The following ZNF704 variants were observed in gnomAD, a reference collection of about 807,000 sequenced individuals.
The protein encoded by ZNF704 is zinc finger protein 704, also known as glucocorticoid induced gene 1.
A neutral mutation model predicts 44.7 loss-of-function variants in ZNF704; 10 were observed. The ratio of observed to expected loss-of-function variants is 0.22; its 90% CI spans 0.14 to 0.38. The LOEUF (loss-of-function observed/expected upper bound fraction) is 0.38, where lower values mean the gene tolerates loss of function less well. ZNF704 is among the 10% of genes least tolerant of loss of function. ZNF704 has a pLI of 1.00. For missense variants in ZNF704, 390 were observed against 545.5 expected, an observed-to-expected ratio of 0.71 and a Z score of 2.84; for synonymous variants, 211 against 207.6, an observed-to-expected ratio of 1.02 and a Z score of -0.14.
At chr8:80,687,523 A>G in intron 3 of ZNF704, 65 bp from the exon 4 acceptor site, 4 of 1,265,480 alleles carry the variant, frequency 3.2e-6, no homozygotes, top group Non-Finnish European at 4.3e-6. Context: ...TCAGTGGGGA[A>G]ATGGGAGCCT....
intron 7 of ZNF704, among the ~76,000 whole-genome samples, chr8:80,646,217 T>G (rs1211019120): frequency 6.6e-6 from 1 of 152,204 alleles, no homozygotes; most frequent in East Asian, 1.9e-4. Flanking sequence ...TGGTAGCTTA[T>G]GCCTGTAATC....
At chr8:80,814,855 G>C (rs1240635991) in intron 2 of ZNF704, among the ~76,000 whole-genome samples, 1 of 152,004 alleles carries the variant, frequency 6.6e-6, no homozygotes, top group Non-Finnish European at 1.5e-5. Flanking sequence ...TAGGCTTCTA[G>C]AGATTCAAAA....
chr8:80,786,962 C>T (rs1299809849), intron 2 of ZNF704, among the ~76,000 whole-genome samples: 1 of 152,050 alleles, frequency 6.6e-6, no homozygotes, highest in African/African-American at 2.4e-5. Flanking sequence ...TTAGTAAGTC[C>T]GTGTTAGTTG....
chr8:80,699,785 T>A (rs1192157249), intron 2 of ZNF704, among the ~76,000 whole-genome samples: 1 of 152,152 alleles, frequency 6.6e-6, no homozygotes, highest in East Asian at 1.9e-4. Flanking sequence ...TGTCCCTCTT[T>A]CTCCCGCTTT....
intron 7 of ZNF704, among the ~76,000 whole-genome samples, chr8:80,654,587 A>G (rs561107491): frequency 3.3e-5 from 5 of 152,390 alleles, no homozygotes; most frequent in African/African-American, 1.2e-4. Flanking sequence ...GACACATGAA[A>G]AAATGTTCAT....
Position 80,639,716 on chromosome 8 carries a change from A to G in ZNF704, c.*1650T>C, listed in dbSNP as rs1817714189. ...CCTCCTTATACTTTCTTTTGCTTGT[A>G]TATAAAAAGAATATCTGTCATTACT... On this transcript the variant is annotated 3_prime_UTR_variant, in exon 9 of 9. Transcript: ENST00000327835. 1.3e-5 allele frequency: 2 copies of G among 152,624 alleles called. No individual in the cohort carries two copies. Among genetic ancestry groups the G allele is most frequent in the Non-Finnish European group, 2.9e-5 (2 of 68,042 alleles). The allele number at this position is 152,624 out of a possible 1,614,324, so 9.5% of individuals were successfully genotyped here.
chr8:80,734,693 G>C (rs1585989533), intron 2 of ZNF704, among the ~76,000 whole-genome samples: 2 of 152,156 alleles, frequency 1.3e-5, no homozygotes, highest in East Asian at 3.8e-4. Context: ...ACCTTTATAA[G>C]TTTTAGCATG....
At chr8:80,641,569 G>GA (rs60295176) in intron 8 of ZNF704, 92 bp from the exon 9 acceptor site, 26,892 of 359,556 alleles carry the variant, frequency 0.075, 395 homozygotes, top group African/African-American at 0.14. Flanking sequence ...AGTGAGGGAG[G>GA]AAAAAAAAAA....
chr8:80,674,645 A>G (rs760615499), intron 4 of ZNF704, among the ~76,000 whole-genome samples: 4 of 152,162 alleles, frequency 2.6e-5, no homozygotes, highest in Non-Finnish European at 4.4e-5. Context: ...GCACCACGCC[A>G]TTCAAGAGGG....
chr8:80,743,191 C>CAAAAAAAAA (rs59886049), intron 2 of ZNF704, among the ~76,000 whole-genome samples: 5 of 35,820 alleles, frequency 1.4e-4, no homozygotes, highest in African/African-American at 5.1e-4. Flanking sequence ...CTTGCAACTG[C>CAAAAAAAAA]AAAAAAAAAA....
intron 2 of ZNF704, among the ~76,000 whole-genome samples, chr8:80,695,057 T>C (rs925546980): frequency 8.5e-5 from 13 of 152,198 alleles, no homozygotes; most frequent in African/African-American, 2.9e-4. Context: ...TATTCACAGT[T>C]TACAAGATCC....
At chr8:80,765,136 G>T (rs980425823) in intron 2 of ZNF704, among the ~76,000 whole-genome samples, 2 of 152,096 alleles carry the variant, frequency 1.3e-5, no homozygotes, top group African/African-American at 2.4e-5. Context: ...CTCAGGCCTT[G>T]GGGGGGCCAC....
At chr8:80,728,798 G>C (rs1344655285) in intron 2 of ZNF704, among the ~76,000 whole-genome samples, 1 of 152,076 alleles carries the variant, frequency 6.6e-6, no homozygotes, top group Non-Finnish European at 1.5e-5. Context: ...TGTAACGCTG[G>C]ACAAGTTATT....
Position 80,726,045 on chromosome 8 carries a change from G to A in ZNF704, c.222-32938C>T, listed in dbSNP as rs538489831. Among the ~76,000 whole-genome samples the A allele has an allele frequency of 2.2e-4, 34 of 152,024 alleles. No homozygotes were observed. In the South Asian group the frequency reaches 6.0e-3, roughly 27 times the overall value. ...AATTATGGTCTTGTTTATATACCGTGTTGATTTAAATAAGATTTTAAGTCG... is the reference window on the plus strand; with the variant it reads ...AATTATGGTCTTGTTTATATACCGTATTGATTTAAATAAGATTTTAAGTCG... On this transcript the variant is annotated intron_variant, in intron 2 of 8. Transcript: ENST00000327835.
intron 2 of ZNF704, among the ~76,000 whole-genome samples, chr8:80,799,222 T>C (rs1370834004): frequency 1.3e-5 from 2 of 152,216 alleles, no homozygotes; most frequent in Admixed American, 6.5e-5. Flanking sequence ...TATTTCAAAT[T>C]GTAGGATGCT....
chr8:80,771,320 T>C (rs1257542302), intron 2 of ZNF704, among the ~76,000 whole-genome samples: 2 of 152,174 alleles, frequency 1.3e-5, no homozygotes, highest in East Asian at 1.9e-4. Flanking sequence ...CTATGTTGAG[T>C]CTTGCAATCC....
chr8:80,851,061 T>C (rs899327772), intron 1 of ZNF704, among the ~76,000 whole-genome samples: 5 of 152,346 alleles, frequency 3.3e-5, no homozygotes, highest in Non-Finnish European at 7.3e-5. Context: ...CTAGGCTATA[T>C]GGTATAGCCC....
At chr8:80,853,468 T>C (rs181511102) in intron 1 of ZNF704, among the ~76,000 whole-genome samples, 48 of 152,228 alleles carry the variant, frequency 3.2e-4, no homozygotes, top group Non-Finnish European at 1.5e-5. Flanking sequence ...GTATTGCTTC[T>C]ATAATAAGAA....
chr8:80,733,571 T>C (rs1245938474), intron 2 of ZNF704, among the ~76,000 whole-genome samples: 5 of 152,230 alleles, frequency 3.3e-5, no homozygotes, highest in Admixed American at 3.3e-4. Context: ...GCCAGCCATG[T>C]CTCAATCCAA....
Sources: gnomAD v4.1 joint callset for allele counts (sites outside exome capture counted in the v4.1 genomes callset) on GRCh38, gnomAD v4.1.1 for gene constraint, MANE v1.5 for transcripts, NCBI Gene and HGNC (gene_info 2026-07-23, HGNC 2026-07-21) for gene names.